Variants in ODR4 observed in about 807,000 individuals in gnomAD.
ODR4 encodes the protein odr-4 GPCR localization factor homolog, also known as protein odr-4 homolog.
ODR4 carries 47 observed loss-of-function variants against 60.2 expected under a neutral mutation model. The ratio of observed to expected loss-of-function variants is 0.78; its 90% CI spans 0.62 to 1.00. The LOEUF (loss-of-function observed/expected upper bound fraction) is 1.00. Ranked by LOEUF, ODR4 falls within the 50% of genes least tolerant of loss-of-function variation. The pLI is 0.00. For synonymous variants in ODR4, 178 were observed against 175.5 expected (o/e 1.01, Z -0.11); for missense variants, 488 against 530.8 (o/e 0.92, Z 0.79).
intron 3 of ODR4, 97 bp downstream of exon 3, chr1:186,383,253 G>A: frequency 2.3e-6 from 3 of 1,309,870 alleles, no homozygotes; most frequent in Non-Finnish European, 3.1e-6. Flanking sequence ...GAGACATAGG[G>A]AGAAAGTAGC....
At chr1:186,385,927 C>A in intron 3 of ODR4, 61 bp from the exon 4 acceptor site, 2 of 1,054,658 alleles carry the variant, frequency 1.9e-6, no homozygotes, top group Non-Finnish European at 2.8e-6. Flanking sequence ...GACAGTTTCT[C>A]AAACAGAAAG....
Position 186,417,540 on chromosome 1 carries a change from T to G in ODR4, c.1187-4T>G. The G allele has an allele frequency of 6.6e-7, 1 of 1,504,946 alleles. No individual in the cohort carries two copies. Among genetic ancestry groups the G allele is most frequent in the Non-Finnish European group, 9.1e-7 (1 of 1,094,564 alleles). 93.2% of individuals were successfully genotyped at this position (1,504,946 alleles called of 1,614,324 possible). A position where few individuals can be genotyped will look rare whatever the true frequency, so the allele number is the denominator to read the frequency against. Reference sequence around the variant, plus strand: ...TGGAATTTATTATTATTATACCCTTTCAGCTTGTATGAGTTCTTCTATGAA... The same window carrying G: ...TGGAATTTATTATTATTATACCCTTGCAGCTTGTATGAGTTCTTCTATGAA... On this transcript the variant is annotated splice_region_variant and splice_polypyrimidine_tract_variant and intron_variant, in intron 12 of 13. Transcript: ENST00000287859.
At position 186,399,232 on chromosome 1, in the gene ODR4, T is replaced by A. The variant is rs748533904; in HGVS notation, c.1000+188T>A. 1.6e-4 allele frequency: 95 copies of A among 583,912 alleles called. 1 individual carries two copies. In the Admixed American group the frequency reaches 2.1e-3, roughly 13 times the overall value. 36.2% of individuals were successfully genotyped at this position (583,912 alleles called of 1,614,324 possible). ...TTTTTTTTTTTTTTTTTAGACAGAG[T>A]CTCACTGTGTTGCCCAGGCTGGGGT... On this transcript the variant is annotated intron_variant, in intron 11 of 13. Transcript: ENST00000287859.
chr1:186,426,578 G>T, the ODR4 span, among the ~76,000 whole-genome samples: 2 of 152,328 alleles, frequency 1.3e-5, no homozygotes, highest in Admixed American at 6.5e-5. Flanking sequence ...CTTCTCAGAA[G>T]TTCCAGAATG....
chr1:186,408,711 TA>T (rs1321530979), intron 12 of ODR4, among the ~76,000 whole-genome samples: 3 of 150,928 alleles, frequency 2.0e-5, no homozygotes, highest in African/African-American at 7.3e-5. Flanking sequence ...ATATCATGTT[TA>T]TATATAATTT....
At position 186,379,832 on chromosome 1, in the gene ODR4, C is replaced by A; in HGVS notation, c.47C>A (p.Ser16Ter). Reference protein sequence around the residue: ...IVEETVGQYLSNINLQGKAFV... With the variant: ...IVEETVGQYL Reference sequence around the variant, plus strand: ...GAAGAGACTGTTGGCCAGTATCTTTCAAACATAAATCTCCAAGGAAAGGCT... The same window carrying A: ...GAAGAGACTGTTGGCCAGTATCTTTAAAACATAAATCTCCAAGGAAAGGCT... The change falls in exon 2 of 14, where the codon TCA becomes TAA. Residue 16 changes from serine (S) to a stop codon, truncating the protein, a stop_gained. Coordinates refer to ENST00000287859, the MANE Select transcript of ODR4 (RefSeq NM_017847.6). LOFTEE classifies it high-confidence loss of function. The A allele has an allele frequency of 6.2e-7, 1 of 1,609,378 alleles. No homozygotes were observed. Among genetic ancestry groups the A allele is most frequent in the Non-Finnish European group, 8.5e-7 (1 of 1,178,018 alleles).
chr1:186,400,137 A>T (rs1005640460), intron 11 of ODR4, among the ~76,000 whole-genome samples: 46 of 150,200 alleles, frequency 3.1e-4, no homozygotes, highest in South Asian at 2.1e-4. Flanking sequence ...GACTACAGGC[A>T]CGCGCCACCA....
downstream of ODR4, among the ~76,000 whole-genome samples, chr1:186,422,556 A>G (rs1326412276): frequency 4.6e-5 from 7 of 152,328 alleles, no homozygotes; most frequent in East Asian, 1.4e-3. Flanking sequence ...GTCACAAAAC[A>G]TCAAATAATT....
At chr1:186,432,512 G>A in the ODR4 span, among the ~76,000 whole-genome samples, 6 of 151,886 alleles carry the variant, frequency 4.0e-5, no homozygotes, top group Non-Finnish European at 5.9e-5. Context: ...GTGTTTTTTT[G>A]GGGGGTAATA....
chr1:186,410,889 C>T (rs1234396293), intron 12 of ODR4, among the ~76,000 whole-genome samples: 2 of 152,068 alleles, frequency 1.3e-5, no homozygotes, highest in Non-Finnish European at 2.9e-5. Context: ...GTGAGGCATG[C>T]CTGTAAACCC....
intron 12 of ODR4, among the ~76,000 whole-genome samples, chr1:186,408,992 A>G (rs1366731100): frequency 6.9e-6 from 1 of 145,330 alleles, no homozygotes; most frequent in East Asian, 1.9e-4. Flanking sequence ...GTTCTTTTTA[A>G]GTTAATATTT....
intron 8 of ODR4, among the ~76,000 whole-genome samples, chr1:186,393,614 T>C (rs1484420059): frequency 6.6e-6 from 1 of 152,246 alleles, no homozygotes; most frequent in East Asian, 1.9e-4. Flanking sequence ...CTGTGTAGCA[T>C]GAAAGCAGCT....
chr1:186,419,040 T>TG lies in ODR4; in HGVS notation c.1330dup (p.Ala444GlyfsTer11). 1 of 1,610,778 alleles carries TG rather than the reference T, an allele frequency of 6.2e-7. No individual in the cohort carries two copies. The highest frequency in any genetic ancestry group is 8.5e-7 in the Non-Finnish European group (1 of 1,178,346). The stretch of plus-strand genomic sequence containing the variant: ...TTGCAGCATTTACAGTTGCAGTCCT[T>TG]GCTGCGGGTATCTCCTTTCATTACT... On this transcript the variant is annotated frameshift_variant, in exon 14 of 14. Coordinates refer to ENST00000287859, the MANE Select transcript of ODR4 (RefSeq NM_017847.6). LOFTEE classifies it high-confidence loss of function.
At chr1:186,404,762 C>G (rs1461395641) in intron 11 of ODR4, among the ~76,000 whole-genome samples, 1 of 152,164 alleles carries the variant, frequency 6.6e-6, no homozygotes, top group Non-Finnish European at 1.5e-5. Flanking sequence ...CATTGTTCGT[C>G]ATCTTCTGTT....
downstream of ODR4, among the ~76,000 whole-genome samples, chr1:186,422,329 T>G (rs986472048): frequency 1.1e-4 from 17 of 152,210 alleles, no homozygotes; most frequent in African/African-American, 4.1e-4. Flanking sequence ...GGCCCCAAAA[T>G]GTATGAACTG....
intron 11 of ODR4, among the ~76,000 whole-genome samples, chr1:186,402,187 A>ATTCTTTCTTTCTCTCTTTCTTTCTTTCT: frequency 7.4e-6 from 1 of 135,528 alleles, no homozygotes; most frequent in Admixed American, 7.3e-5. Flanking sequence ...TAGGCATCCT[A>ATTCTTTCTTTCTCTCTTTCTTTCTTTCT]TTCTTTCTTT....
intron 5 of ODR4, 133 bp from the exon 6 acceptor site, chr1:186,389,455 C>T (rs933547869): frequency 7.6e-6 from 5 of 654,460 alleles, no homozygotes; most frequent in African/African-American, 5.6e-5. Flanking sequence ...TATATGTACG[C>T]ATATCTTTAA....
intron 12 of ODR4, among the ~76,000 whole-genome samples, chr1:186,413,042 T>G (rs1316172103): frequency 6.6e-6 from 1 of 152,076 alleles, no homozygotes; most frequent in African/African-American, 2.4e-5. Flanking sequence ...TTGGAATCAA[T>G]TACTACGCAT....
chr1:186,379,300 G>A (rs914234245), intron 1 of ODR4, among the ~76,000 whole-genome samples: 2 of 151,772 alleles, frequency 1.3e-5, no homozygotes, highest in Admixed American at 6.6e-5. Flanking sequence ...AAAATTAGCC[G>A]GGCATGGTCG....
Sources: allele counts gnomAD v4.1 joint callset (sites outside exome capture counted in the v4.1 genomes callset), GRCh38; gene constraint gnomAD v4.1.1; transcripts MANE v1.5; gene names NCBI Gene and HGNC (gene_info 2026-07-23, HGNC 2026-07-21).